The following PACS2 variants were observed in gnomAD, a reference collection of about 807,000 sequenced individuals.
PACS2 encodes the protein phosphofurin acidic cluster sorting protein 2, also known as PACS1-like protein.
PACS2 carries 36 observed loss-of-function variants against 113.0 expected under a neutral mutation model. The observed-to-expected ratio is 0.32, with a 90% CI of 0.24 to 0.42. The LOEUF is 0.42. Ranked by LOEUF, PACS2 falls within the 10% of genes least tolerant of loss-of-function variation. The pLI, the probability that PACS2 is intolerant of heterozygous loss-of-function variation, is 1.00. For missense variants in PACS2, 1,015 were observed against 1,239.5 expected (o/e 0.82, Z 2.72); for synonymous variants, 589 against 536.1 (o/e 1.10, Z -1.36).
chr14:105,327,783 AGCCGAGCCTTG>A (rs2059175832), intron 1 of PACS2, among the ~76,000 whole-genome samples: 1 of 152,156 alleles, frequency 6.6e-6, no homozygotes, highest in Admixed American at 6.5e-5. Flanking sequence ...GACCATTGAC[AGCCGAGCCTTG>A]ACTCACCGGC....
chr14:105,386,152 G>C (rs1555413532), intron 19 of PACS2, among the ~76,000 whole-genome samples: 1 of 152,224 alleles, frequency 6.6e-6, no homozygotes, highest in African/African-American at 2.4e-5. Flanking sequence ...TGGACACCAG[G>C]ATCACCTGGG....
At chr14:105,375,862 G>C (rs1555410314) in intron 8 of PACS2, among the ~76,000 whole-genome samples, 1 of 152,186 alleles carries the variant, frequency 6.6e-6, no homozygotes, top group African/African-American at 2.4e-5. Flanking sequence ...CCGTCAGCTG[G>C]TGATCTGTTA....
intron 4 of PACS2, among the ~76,000 whole-genome samples, chr14:105,363,528 T>C (rs1481562787): frequency 4.6e-5 from 7 of 152,182 alleles, no homozygotes; most frequent in African/African-American, 1.7e-4. Context: ...TCCTCGCCTC[T>C]CTCAGCCTTC....
Position 105,394,883 on chromosome 14 carries a change from C to A in PACS2, c.*211C>A, listed in dbSNP as rs1347207150. The A allele has an allele frequency of 1.8e-6, 1 of 541,494 alleles. No homozygotes were observed. Among genetic ancestry groups the A allele is most frequent in the Non-Finnish European group, 3.3e-6 (1 of 298,702 alleles). 33.5% of individuals were successfully genotyped at this position (541,494 alleles called of 1,614,324 possible). ...TGCTTATTAACCCGAACGTTCGGCCCGGGGCTGGGAAGCCAGAAGGACGAT... is the reference window on the plus strand; with the variant it reads ...TGCTTATTAACCCGAACGTTCGGCCAGGGGCTGGGAAGCCAGAAGGACGAT... On this transcript the variant is annotated 3_prime_UTR_variant, in exon 25 of 25. Transcript: ENST00000447393.
At chr14:105,388,896 C>T (rs1408207494) in intron 19 of PACS2, 1 of 152,588 alleles carries the variant, frequency 6.6e-6, no homozygotes, top group African/African-American at 2.4e-5. Flanking sequence ...GGCCTTGAGG[C>T]CAGGGGAGAG....
chr14:105,334,274 TG>T (rs1371276050), intron 1 of PACS2, among the ~76,000 whole-genome samples: 4 of 152,170 alleles, frequency 2.6e-5, no homozygotes, highest in African/African-American at 9.7e-5. Context: ...GCTAGCTGAG[TG>T]GGTCAGGCCA....
At chr14:105,338,100 A>G (rs2059592331) in intron 1 of PACS2, among the ~76,000 whole-genome samples, 1 of 152,136 alleles carries the variant, frequency 6.6e-6, no homozygotes, top group East Asian at 1.9e-4. Flanking sequence ...CTGTTCTCAG[A>G]CTGGGGCCTG....
chr14:105,357,780 T>C lies in PACS2; in HGVS notation c.423+2603T>C, dbSNP rs2060511370. 6.6e-6 allele frequency among the ~76,000 whole-genome samples: 1 copy of C among 152,002 alleles called. No homozygotes were observed. The highest frequency in any genetic ancestry group is 1.5e-5 in the Non-Finnish European group (1 of 67,988). On this transcript the variant is annotated intron_variant, in intron 4 of 24. Coordinates refer to ENST00000447393, the MANE Select transcript of PACS2 (RefSeq NM_001100913.3). This position sits in a 1 kb window ranked among gnomAD's most constrained non-coding sequence, Gnocchi z 5.1. ...CTTGCTGGCTCCGAGACTGCACGCC[T>C]GAGACGGGGGTGAGGGCATGGGTGC... is the stretch of plus-strand genomic sequence containing the variant.
At chr14:105,325,911 A>T (rs889151551) in intron 1 of PACS2, among the ~76,000 whole-genome samples, 1 of 152,102 alleles carries the variant, frequency 6.6e-6, no homozygotes, top group Non-Finnish European at 1.5e-5. Context: ...TTACTCTCCA[A>T]CCTTCTGGGA....
At chr14:105,351,312 T>C (rs1483801308) in intron 2 of PACS2, among the ~76,000 whole-genome samples, 2 of 152,236 alleles carry the variant, frequency 1.3e-5, no homozygotes, top group Non-Finnish European at 2.9e-5. Context: ...GGGGTCCTGT[T>C]GTCTTTCACG....
In PACS2 at chr14:105,394,945, C is replaced by A. The variant is rs1203938531; in HGVS notation, c.*273C>A. The A allele has an allele frequency of 9.7e-6, 4 of 414,066 alleles. No individual in the cohort carries two copies. Among genetic ancestry groups the A allele is most frequent in the Non-Finnish European group, 1.4e-5 (3 of 220,872 alleles). 25.6% of individuals were successfully genotyped at this position (414,066 alleles called of 1,614,324 possible). Reference sequence around the variant, plus strand: ...GATCGCGGAAGGCGTCCTCTGGCCTCAGGAGCCACCCAGAGCCTCACAGGC... The same window carrying A: ...GATCGCGGAAGGCGTCCTCTGGCCTAAGGAGCCACCCAGAGCCTCACAGGC... On this transcript the variant is annotated 3_prime_UTR_variant, in exon 25 of 25. Transcript: ENST00000447393.
At position 105,329,798 on chromosome 14, in the gene PACS2, A is replaced by G. The variant is rs938522981; in HGVS notation, c.119+14761A>G. ...CCGTGTGGTACTGCTTCTCATGGAC[A>G]GGAGACCACCAGGCTCCTTCCAGGA... On this transcript the variant is annotated intron_variant, in intron 1 of 24. Coordinates refer to ENST00000447393, the MANE Select transcript of PACS2 (RefSeq NM_001100913.3). This position sits in a 1 kb window ranked among gnomAD's most constrained non-coding sequence, Gnocchi z 6.4. Among the ~76,000 whole-genome samples, 1 of 152,216 alleles carries G rather than the reference A, an allele frequency of 6.6e-6. No homozygotes were observed. Among genetic ancestry groups the G allele is most frequent in the Non-Finnish European group, 1.5e-5 (1 of 68,038 alleles).
At chr14:105,310,069 C>A (rs587687901), upstream of PACS2, among the ~76,000 whole-genome samples, 1 of 151,648 alleles carries the variant, frequency 6.6e-6, no homozygotes, top group South Asian at 2.1e-4. Context: ...CAGGTATGAG[C>A]CACCGCACCC....
rs587667591 is a variant in PACS2 at position 105,391,227 on chromosome 14, G to T, written c.2097G>T (p.Val699=). Residue 699 remains valine, a synonymous_variant, in exon 21 of 25, where the codon GTG becomes GTT. Transcript: ENST00000447393. ...PFVGVVKVGI[V]EPSSATSGDS... is the part of the protein sequence containing the mutation. ...TCTAGGTTGTGAAGGTTGGAATTGT[G>T]GAGCCATCCTCGGCCACATCAGGTA... 6.2e-6 allele frequency: 10 copies of T among 1,613,246 alleles called. No individual in the cohort carries two copies. The South Asian group carries it at 1.1e-4, about 18-fold the overall frequency.
chr14:105,328,982 A>G (rs2140896352), intron 1 of PACS2, among the ~76,000 whole-genome samples: 1 of 152,322 alleles, frequency 6.6e-6, no homozygotes, highest in East Asian at 1.9e-4. Flanking sequence ...GCAACAGAGA[A>G]TTATAGGCGC....
intron 7 of PACS2, among the ~76,000 whole-genome samples, chr14:105,369,520 G>A (rs1325673131): frequency 6.6e-6 from 1 of 152,228 alleles, no homozygotes; most frequent in East Asian, 1.9e-4. Context: ...CTTCCTTCTG[G>A]GGTCGGCCAG....
intron 1 of PACS2, among the ~76,000 whole-genome samples, chr14:105,334,713 C>A (rs1412088602): frequency 6.6e-6 from 1 of 152,238 alleles, no homozygotes; most frequent in Non-Finnish European, 1.5e-5. Flanking sequence ...TGCTTGGTGC[C>A]CACAGCTGAG....
chr14:105,368,090 G>C lies in PACS2; in HGVS notation c.603G>C (p.Glu201Asp), dbSNP rs1338608229. The C allele has an allele frequency of 6.2e-7, 1 of 1,610,212 alleles. No homozygotes were observed. The highest frequency in any genetic ancestry group is 2.2e-5 in the East Asian group (1 of 44,876). ...KAKSTDNYSE[E>D]EYESFSSEQE... ...ATTCCGCAGATAACTACTCCGAGGA[G>C]GAGTATGAGAGCTTCTCCTCCGAGC... Residue 201 changes from glutamate (E) to aspartate (D), a missense_variant, in exon 6 of 25, where the codon GAG becomes GAC. Around this residue, in one of 3 missense-constraint regions of PACS2, gnomAD observed 859 missense variants for 1,056.8 expected, o/e 0.81. Coordinates refer to ENST00000447393, the MANE Select transcript of PACS2 (RefSeq NM_001100913.3).
At position 105,368,222 on chromosome 14, in the gene PACS2, G is replaced by T. The variant is rs1041107430; in HGVS notation, c.660+75G>T. ...CCTGGGGTCTGTGGGGTCCTCACCA[G>T]CTGTCACCAGGGCCTCGTGAGGGTG... is the stretch of plus-strand genomic sequence containing the variant. On this transcript the variant is annotated intron_variant, in intron 6 of 24. Transcript: ENST00000447393. 1.2e-4 allele frequency: 136 copies of T among 1,104,006 alleles called. 1 individual carries two copies. The highest frequency in any genetic ancestry group is 1.6e-4 in the Non-Finnish European group (120 of 737,522). The allele number at this position is 1,104,006 out of a possible 1,614,324, so 68.4% of individuals were successfully genotyped here.
Sources: gnomAD v4.1 joint callset for allele counts (sites outside exome capture counted in the v4.1 genomes callset) on GRCh38, gnomAD v4.1.1 for gene constraint, gnomAD v4.1.1 regional missense constraint, Gnocchi (gnomAD v3.1) non-coding constraint, MANE v1.5 for transcripts, NCBI Gene and HGNC (gene_info 2026-07-23, HGNC 2026-07-21) for gene names.